MORC1: variants seen among roughly 807,000 people sequenced by gnomAD.
MORC1 encodes the protein MORC family CW-type zinc finger 1.
A neutral mutation model predicts 134.9 loss-of-function variants in MORC1; 59 were observed. The ratio of observed to expected loss-of-function variants is 0.44; its 90% confidence interval spans 0.35 to 0.54. The LOEUF (loss-of-function observed/expected upper bound fraction) is 0.54, where lower values mean the gene tolerates loss of function less well. Among genes scored for constraint, MORC1 ranks in the 20% least tolerant of loss-of-function variants. MORC1 has a pLI of 0.00. For synonymous variants in MORC1, 395 were observed against 391.7 expected (o/e 1.01, Z -0.10); for missense variants, 947 against 1,134.5 (o/e 0.83, Z 2.37).
chr3:109,108,676 T>A (rs960318058), intron 3 of MORC1, among the ~76,000 whole-genome samples: 5 of 151,936 alleles, frequency 3.3e-5, no homozygotes, highest in South Asian at 2.1e-4. Flanking sequence ...GGCGGGCGGA[T>A]CACAAGGTCA....
intron 8 of MORC1, among the ~76,000 whole-genome samples, chr3:109,079,870 C>T (rs557448020): frequency 6.6e-6 from 1 of 151,766 alleles, no homozygotes; most frequent in Non-Finnish European, 1.5e-5. Flanking sequence ...TATATGAATA[C>T]CAAGAAGAGT....
At chr3:109,107,691 C>T (rs1044556783) in intron 3 of MORC1, among the ~76,000 whole-genome samples, 1 of 152,108 alleles carries the variant, frequency 6.6e-6, no homozygotes, top group Non-Finnish European at 1.5e-5. Flanking sequence ...CTTTGTATCC[C>T]CAGAATAATC....
intron 20 of MORC1, among the ~76,000 whole-genome samples, chr3:109,003,962 T>C (rs1948473228): frequency 6.6e-6 from 1 of 152,182 alleles, no homozygotes; most frequent in Non-Finnish European, 1.5e-5. Context: ...GTGTGAGAGA[T>C]TTCTATAATG....
At chr3:109,040,617 G>A (rs956833009) in intron 14 of MORC1, among the ~76,000 whole-genome samples, 1 of 151,460 alleles carries the variant, frequency 6.6e-6, no homozygotes, top group South Asian at 2.1e-4. Context: ...ATTACCTGGG[G>A]TCAGGAGTTT....
chr3:109,090,188 G>C (rs1196194898), intron 8 of MORC1, among the ~76,000 whole-genome samples: 1 of 152,012 alleles, frequency 6.6e-6, no homozygotes, highest in Non-Finnish European at 1.5e-5. Flanking sequence ...CTGTTCATGT[G>C]CTTGAACATC....
chr3:109,109,945 C>A (rs1951125822), intron 3 of MORC1: 1 of 152,244 alleles, frequency 6.6e-6, no homozygotes, highest in South Asian at 2.1e-4. Context: ...GCAATAAAGG[C>A]TGACTCTTTT....
intron 21 of MORC1, among the ~76,000 whole-genome samples, chr3:108,992,808 C>T (rs1948102589): frequency 6.6e-6 from 1 of 152,162 alleles, no homozygotes. Flanking sequence ...TTCTATCTTC[C>T]ACATAAGCTC....
chr3:109,016,888 G>GA (rs1487366320), intron 17 of MORC1, among the ~76,000 whole-genome samples: 4 of 151,828 alleles, frequency 2.6e-5, no homozygotes, highest in Non-Finnish European at 5.9e-5. Flanking sequence ...AGAAAAGAAA[G>GA]AAAAAAGGAA....
At chr3:108,976,092 CAAG>C (rs1947545727) in intron 24 of MORC1, among the ~76,000 whole-genome samples, 3 of 152,112 alleles carry the variant, frequency 2.0e-5, no homozygotes, top group Admixed American at 1.3e-4. Flanking sequence ...ACACAAAAAG[CAAG>C]AAGTAATATA....
In MORC1 at chr3:109,035,366, A is replaced by ATGGCT; in HGVS notation, c.1428_1432dup (p.Met478LysfsTer51). On this transcript the variant is annotated frameshift_variant, in exon 15 of 28. Transcript: ENST00000232603. LOFTEE classifies it high-confidence loss of function. ...ACATTGTATGATGAATGGGATACCCATGGCTTGTCTTCTTTGATATTGAAA... is the reference window on the plus strand; with the variant it reads ...ACATTGTATGATGAATGGGATACCCATGGCTTGGCTTGTCTTCTTTGATATTGAAA... The ATGGCT allele has an allele frequency of 1.3e-6, 2 of 1,592,752 alleles. No individual in the cohort carries two copies. The highest frequency in any genetic ancestry group is 1.7e-6 in the Non-Finnish European group (2 of 1,168,742).
At chr3:109,058,613 G>A (rs1451550330) in intron 12 of MORC1, among the ~76,000 whole-genome samples, 1 of 151,938 alleles carries the variant, frequency 6.6e-6, no homozygotes, top group Non-Finnish European at 1.5e-5. Flanking sequence ...CATAAGACAT[G>A]AGTTAATATA....
At chr3:108,976,351 A>G (rs1947559102) in intron 24 of MORC1, among the ~76,000 whole-genome samples, 1 of 152,198 alleles carries the variant, frequency 6.6e-6, no homozygotes, top group Non-Finnish European at 1.5e-5. Flanking sequence ...ATGGTAAACA[A>G]TTCTGAGTAT....
intron 23 of MORC1, among the ~76,000 whole-genome samples, chr3:108,984,459 T>C (rs114679390): frequency 0.058 from 8,823 of 152,244 alleles, 374 homozygotes; most frequent in Non-Finnish European, 0.084. Flanking sequence ...TTAAAGTAAT[T>C]TGAATTGGTT....
intron 8 of MORC1, among the ~76,000 whole-genome samples, chr3:109,071,314 C>CATAT (rs936662854): frequency 1.3e-5 from 2 of 152,210 alleles, no homozygotes; most frequent in Admixed American, 6.5e-5. Context: ...ACCAGCTAAA[C>CATAT]ATATATATAC....
chr3:109,113,544 C>T (rs1447515355), intron 2 of MORC1, among the ~76,000 whole-genome samples: 1 of 152,102 alleles, frequency 6.6e-6, no homozygotes, highest in African/African-American at 2.4e-5. Flanking sequence ...CTACTGAGAT[C>T]CTTGATCTAA....
At chr3:109,047,561 C>G (rs1949722152) in intron 14 of MORC1, among the ~76,000 whole-genome samples, 1 of 150,966 alleles carries the variant, frequency 6.6e-6, no homozygotes, top group South Asian at 2.1e-4. Flanking sequence ...TTTTTTTTTC[C>G]AACAGTCAAT....
intron 14 of MORC1, among the ~76,000 whole-genome samples, chr3:109,046,554 A>G (rs1949701067): frequency 6.6e-6 from 1 of 152,138 alleles, no homozygotes; most frequent in Non-Finnish European, 1.5e-5. Flanking sequence ...GGGTTAGACT[A>G]CCTTTCTACT....
chr3:108,970,252 A>T (rs1251949282), intron 25 of MORC1, among the ~76,000 whole-genome samples: 6 of 152,150 alleles, frequency 3.9e-5, no homozygotes, highest in African/African-American at 1.4e-4. Flanking sequence ...GCCACAAAGA[A>T]GATGGGAGGG....
chr3:108,972,109 G>A (rs1947399988), intron 24 of MORC1, among the ~76,000 whole-genome samples: 2 of 152,168 alleles, frequency 1.3e-5, no homozygotes, highest in South Asian at 4.1e-4. Flanking sequence ...CATGGACCCT[G>A]CTCTTTCTAA....
Sources: gnomAD v4.1 joint callset for allele counts (sites outside exome capture counted in the v4.1 genomes callset) on GRCh38, gnomAD v4.1.1 for gene constraint, MANE v1.5 for transcripts, NCBI Gene and HGNC (gene_info 2026-07-23, HGNC 2026-07-21) for gene names.